Variants in TEC observed in about 807,000 individuals in gnomAD.
TEC encodes the protein tyrosine-protein kinase Tec.
A neutral mutation model predicts 93.0 loss-of-function variants in TEC; 72 were observed. The ratio of observed to expected loss-of-function variants is 0.77; its 90% CI spans 0.64 to 0.94. The LOEUF is 0.94. TEC is among the 40% of genes least tolerant of loss of function. The pLI is 0.00. For missense variants in TEC, 630 were observed against 757.9 expected (o/e 0.83, Z 1.98); for synonymous variants, 249 against 247.7 (o/e 1.01, Z -0.05).
chr4:48,219,578 T>C (rs1308395156), intron 2 of TEC, among the ~76,000 whole-genome samples: 1 of 152,158 alleles, frequency 6.6e-6, no homozygotes. Context: ...TTCTTATAAG[T>C]GCAGAGAAGA....
intron 2 of TEC, among the ~76,000 whole-genome samples, chr4:48,202,025 C>T (rs1482505846): frequency 1.4e-5 from 2 of 142,090 alleles, no homozygotes; most frequent in South Asian, 4.6e-4. Context: ...GGCGGGATCT[C>T]GGCTCACTGC....
At chr4:48,198,381 G>T (rs371718572) in intron 2 of TEC, among the ~76,000 whole-genome samples, 1 of 152,142 alleles carries the variant, frequency 6.6e-6, no homozygotes, top group Middle Eastern at 3.2e-3. Context: ...CATCCTCCAG[G>T]CTAAAGAAGT....
rs1230873045 is a variant in TEC at position 48,145,448 on chromosome 4, T to C, written c.1213A>G (p.Met405Val). 1 of 1,614,146 alleles carries C rather than the reference T, an allele frequency of 6.2e-7. No individual in the cohort carries two copies. The highest frequency in any genetic ancestry group is 8.5e-7 in the Non-Finnish European group (1 of 1,180,028). ...TCTTCTATAAAGTCCTCCTCGCACA[T>C]TGCACCTTCCCGAATAGCTTTGATT... ...VAIKAIREGAMCEEDFIEEAK... is the reference protein window; with the variant it reads ...VAIKAIREGAVCEEDFIEEAK... Residue 405 changes from methionine to valine, a missense_variant, in exon 13 of 18, where the codon ATG (methionine) becomes GTG (valine). Around this residue, in one of 3 missense-constraint regions of TEC, gnomAD observed 289 missense variants for 390.0 expected, o/e 0.74. Transcript: ENST00000381501.
intron 1 of TEC, among the ~76,000 whole-genome samples, chr4:48,250,112 T>C (rs1309572259): frequency 6.6e-6 from 1 of 152,238 alleles, no homozygotes; most frequent in Admixed American, 6.5e-5. Context: ...TTTAAATATC[T>C]AGCAGGTATC....
intron 2 of TEC, among the ~76,000 whole-genome samples, chr4:48,193,378 A>AG (rs1722162395): frequency 6.6e-6 from 1 of 151,988 alleles, no homozygotes. Context: ...ATACCACACC[A>AG]GGTGGGCACA....
At chr4:48,186,539 G>A (rs183608939) in intron 2 of TEC, among the ~76,000 whole-genome samples, 6,378 of 142,754 alleles carry the variant, frequency 0.045, 172 homozygotes, top group South Asian at 0.068. Flanking sequence ...TGTCTCTGCC[G>A]GACCGCCACC....
intron 1 of TEC, among the ~76,000 whole-genome samples, chr4:48,239,745 GA>G (rs1723875960): frequency 6.6e-6 from 1 of 151,554 alleles, no homozygotes; most frequent in African/African-American, 2.4e-5. Context: ...TTACAAATGA[GA>G]AACTTTCCTT....
chr4:48,188,758 T>C (rs977377729), intron 2 of TEC, among the ~76,000 whole-genome samples: 6 of 152,232 alleles, frequency 3.9e-5, no homozygotes, highest in African/African-American at 1.4e-4. Context: ...CTCAGGTCAA[T>C]ACATGCAGGA....
chr4:48,146,169 G>A (rs997298305), intron 12 of TEC, among the ~76,000 whole-genome samples, 156 bp downstream of exon 12: 3 of 152,088 alleles, frequency 2.0e-5, no homozygotes, highest in Admixed American at 6.5e-5. Context: ...GAATACCTAG[G>A]CTGCTATGGT....
At chr4:48,210,546 G>A (rs140227652) in intron 2 of TEC, among the ~76,000 whole-genome samples, 109 of 151,924 alleles carry the variant, frequency 7.2e-4, no homozygotes, top group African/African-American at 2.6e-3. Flanking sequence ...GGAAGAGGGA[G>A]GAAAGAAAAA....
intron 3 of TEC, among the ~76,000 whole-genome samples, chr4:48,173,739 G>A (rs934692580): frequency 2.0e-5 from 3 of 152,180 alleles, no homozygotes; most frequent in African/African-American, 7.2e-5. Context: ...GTGTGGTGTA[G>A]GAGAAACAGC....
intron 1 of TEC, among the ~76,000 whole-genome samples, chr4:48,252,826 C>G (rs1440253660): frequency 6.6e-6 from 1 of 152,192 alleles, no homozygotes; most frequent in Non-Finnish European, 1.5e-5. Flanking sequence ...CACTGGGTGA[C>G]TTTATTCTAC....
chr4:48,179,350 A>ATTT, intron 2 of TEC, among the ~76,000 whole-genome samples: 1 of 27,306 alleles, frequency 3.7e-5, no homozygotes, highest in Non-Finnish European at 6.7e-5. Context: ...ATATATATAT[A>ATTT]TATATATATA....
chr4:48,263,717 A>C (rs1202251452), intron 1 of TEC, among the ~76,000 whole-genome samples: 2 of 152,074 alleles, frequency 1.3e-5, no homozygotes, highest in Admixed American at 6.6e-5. Flanking sequence ...AAAAAAGAAA[A>C]GAAAGAAAGA....
chr4:48,232,497 G>A lies in TEC; in HGVS notation c.-45-3838C>T, dbSNP rs575591874. ...AAAAAGTCTCCTAGTTCCTACTTAC[G>A]GGCTTTCCCTATCCTTCTATCCCAT... On this transcript the variant is annotated intron_variant, in intron 1 of 17. Transcript: ENST00000381501. Among the ~76,000 whole-genome samples, 12 of 152,192 alleles carry A rather than the reference G, an allele frequency of 7.9e-5. No individual in the cohort carries two copies. In the South Asian group the frequency reaches 1.7e-3, roughly 21 times the overall value.
In TEC at chr4:48,141,401, C is replaced by T; in HGVS notation, c.1489G>A (p.Val497Ile). The T allele has an allele frequency of 6.2e-7, 1 of 1,613,806 alleles. No homozygotes were observed. Among genetic ancestry groups the T allele is most frequent in the Non-Finnish European group, 8.5e-7 (1 of 1,179,890 alleles). ...HRDLAARNCLVSEAGVVKVSD... is the reference protein window; with the variant it reads ...HRDLAARNCLISEAGVVKVSD... Reference sequence around the variant, plus strand: ...ACTTTTACAACTCCCGCCTCACTTACTAGACAATTTCTGGCAGCCTGGAAA... The same window carrying T: ...ACTTTTACAACTCCCGCCTCACTTATTAGACAATTTCTGGCAGCCTGGAAA... Residue 497 changes from valine (V) to isoleucine (I), a missense_variant, in exon 15 of 18, where the codon GTA (valine) becomes ATA (isoleucine). Around this residue, in one of 3 missense-constraint regions of TEC, gnomAD observed 289 missense variants for 390.0 expected, o/e 0.74. Transcript: ENST00000381501.
intron 9 of TEC, among the ~76,000 whole-genome samples, chr4:48,154,670 T>C (rs1367183784): frequency 6.6e-6 from 1 of 151,880 alleles, no homozygotes; most frequent in African/African-American, 2.4e-5. Context: ...TAAAACTAAA[T>C]GGGTAGAAAG....
chr4:48,142,164 G>C (rs112530843), intron 14 of TEC, among the ~76,000 whole-genome samples: 1 of 152,282 alleles, frequency 6.6e-6, no homozygotes, highest in East Asian at 1.9e-4. Flanking sequence ...TCAGTGATTG[G>C]TCATCTCATC....
At position 48,256,594 on chromosome 4, in the gene TEC, CAAAAAAAAAA is replaced by C. The variant is rs34792955; in HGVS notation, c.-46+13148_-46+13157del. On this transcript the variant is annotated intron_variant, in intron 1 of 17. Transcript: ENST00000381501. ...TGGGCAACAGAGCGAGACCTTGTCT[CAAAAAAAAAA>C]AAAAAAAAAAAAAAGTCTTTTTGCA... Among the ~76,000 whole-genome samples, 5 of 61,712 alleles carry C rather than the reference CAAAAAAAAAA, an allele frequency of 8.1e-5. No individual in the cohort carries two copies. In the South Asian group the frequency reaches 2.2e-3, roughly 28 times the overall value. The allele number at this position is 61,712 out of a possible 152,430, so 40.5% of individuals were successfully genotyped here.
Sources: gnomAD v4.1 joint callset for allele counts (sites outside exome capture counted in the v4.1 genomes callset) on GRCh38, gnomAD v4.1.1 for gene constraint, gnomAD v4.1.1 regional missense constraint, MANE v1.5 for transcripts, NCBI Gene and HGNC (gene_info 2026-07-23, HGNC 2026-07-21) for gene names.